ANKRD30BL: variants seen among roughly 807,000 people sequenced by gnomAD.
ANKRD30BL encodes ankyrin repeat domain 30B like, also known as putative ankyrin repeat domain-containing protein 30B-like.
Under a neutral mutation model 18.4 loss-of-function variants are expected in ANKRD30BL, and 20 were observed. That is an observed-to-expected ratio of 1.09 (90% CI 0.77 to 1.58). The LOEUF is 1.58. ANKRD30BL is among the 40% of genes most tolerant of loss of function. ANKRD30BL has a pLI of 0.00. For synonymous variants in ANKRD30BL, 72 were observed against 100.9 expected, an observed-to-expected ratio of 0.71 and a Z score of 1.72; for missense variants, 224 against 268.6, an observed-to-expected ratio of 0.83 and a Z score of 1.16.
chr2:132,159,630 T>G (rs1688003400), intron 1 of ANKRD30BL, among the ~76,000 whole-genome samples: 1 of 152,172 alleles, frequency 6.6e-6, no homozygotes, highest in African/African-American at 2.4e-5. Context: ...TTGATTTAAG[T>G]GAATTATCTA....
At chr2:132,255,052 A>T (rs939440036) in intron 1 of ANKRD30BL, among the ~76,000 whole-genome samples, 2 of 151,866 alleles carry the variant, frequency 1.3e-5, no homozygotes, top group Non-Finnish European at 2.9e-5. Context: ...GAACCCAAAA[A>T]CCCAAAGACT....
chr2:132,175,234 A>C (rs57918763), intron 1 of ANKRD30BL, among the ~76,000 whole-genome samples: 60 of 151,336 alleles, frequency 4.0e-4, no homozygotes, highest in African/African-American at 1.4e-3. Flanking sequence ...AGAGGAATGC[A>C]GTAGGAGAGC....
At chr2:132,209,996 C>T (rs1410453097) in intron 1 of ANKRD30BL, among the ~76,000 whole-genome samples, 2 of 149,908 alleles carry the variant, frequency 1.3e-5, no homozygotes, top group Non-Finnish European at 3.0e-5. Context: ...ACTTGGAGTG[C>T]TTTGAGCTCA....
intron 1 of ANKRD30BL, among the ~76,000 whole-genome samples, chr2:132,168,369 T>C (rs941102966): frequency 6.6e-6 from 1 of 152,144 alleles, no homozygotes; most frequent in Non-Finnish European, 1.5e-5. Flanking sequence ...TTATTACAGA[T>C]TACTGGATAA....
chr2:132,207,938 T>A (rs1387632586), intron 1 of ANKRD30BL, among the ~76,000 whole-genome samples: 1 of 152,182 alleles, frequency 6.6e-6, no homozygotes, highest in South Asian at 2.1e-4. Flanking sequence ...TATTCATGAT[T>A]GAGCATTCCT....
chr2:132,221,367 G>A (rs1316685134), intron 1 of ANKRD30BL, among the ~76,000 whole-genome samples: 27 of 142,960 alleles, frequency 1.9e-4, no homozygotes, highest in Admixed American at 5.4e-4. Flanking sequence ...CGGGAGGGGG[G>A]AGGGGGGGTC....
intron 1 of ANKRD30BL, among the ~76,000 whole-genome samples, chr2:132,230,038 T>G (rs1002631441): frequency 4.6e-5 from 7 of 152,058 alleles, no homozygotes; most frequent in African/African-American, 1.7e-4. Context: ...CGTTGAAACT[T>G]TCTTTTGATA....
At chr2:132,190,321 T>C (rs1407918386) in intron 1 of ANKRD30BL, among the ~76,000 whole-genome samples, 1 of 151,822 alleles carries the variant, frequency 6.6e-6, no homozygotes, top group African/African-American at 2.4e-5. Context: ...TGTGGTTCTA[T>C]TCCCTCAACA....
At chr2:132,163,912 T>TA (rs1195252881), upstream of ANKRD30BL, among the ~76,000 whole-genome samples, 1 of 152,216 alleles carries the variant, frequency 6.6e-6, no homozygotes, top group Non-Finnish European at 1.5e-5. Context: ...AGCAAAGAAA[T>TA]AAATGTGTGT....
intron 1 of ANKRD30BL, among the ~76,000 whole-genome samples, chr2:132,231,360 T>C (rs994041232): frequency 6.6e-6 from 1 of 152,144 alleles, no homozygotes; most frequent in East Asian, 1.9e-4. Flanking sequence ...TAGGAACAGC[T>C]CTGGTCTACA....
chr2:132,148,572 G>A (rs1429810136), intron 5 of ANKRD30BL, among the ~76,000 whole-genome samples: 1 of 151,636 alleles, frequency 6.6e-6, no homozygotes, highest in African/African-American at 2.4e-5. Context: ...ATTTCACCAT[G>A]TTAGTCAGGG....
At chr2:132,235,489 GTC>G (rs1680130253) in intron 1 of ANKRD30BL, among the ~76,000 whole-genome samples, 2 of 152,122 alleles carry the variant, frequency 1.3e-5, no homozygotes, top group African/African-American at 4.8e-5. Context: ...TTTCAGCAAA[GTC>G]TCAGGATACA....
At chr2:132,195,610 G>A (rs1266923334) in intron 1 of ANKRD30BL, among the ~76,000 whole-genome samples, 1 of 151,466 alleles carries the variant, frequency 6.6e-6, no homozygotes, top group Non-Finnish European at 1.5e-5. Context: ...GGCAAACACC[G>A]TGAAACCCCA....
chr2:132,231,531 C>A (rs747529587), intron 1 of ANKRD30BL, among the ~76,000 whole-genome samples: 3 of 152,198 alleles, frequency 2.0e-5, no homozygotes, highest in Non-Finnish European at 4.4e-5. Flanking sequence ...ACTTGGGAAG[C>A]ACAAGGGGTC....
chr2:132,158,362 A>G (rs1003446575), intron 1 of ANKRD30BL, among the ~76,000 whole-genome samples: 2 of 152,086 alleles, frequency 1.3e-5, no homozygotes, highest in African/African-American at 4.8e-5. Context: ...TTAAATTTAT[A>G]GAATGCATGT....
intron 1 of ANKRD30BL, among the ~76,000 whole-genome samples, chr2:132,192,787 A>G (rs1476309726): frequency 2.0e-5 from 3 of 152,184 alleles, no homozygotes; most frequent in Non-Finnish European, 4.4e-5. Flanking sequence ...GTTGCATTGC[A>G]CCCCTATGCA....
intron 1 of ANKRD30BL, among the ~76,000 whole-genome samples, chr2:132,209,480 G>A (rs1679287881): frequency 1.3e-5 from 2 of 151,314 alleles, no homozygotes; most frequent in Admixed American, 6.6e-5. Context: ...GACATTCGGA[G>A]CGATTTGAGG....
At position 132,181,421 on chromosome 2, in the gene ANKRD30BL, C is replaced by T. The variant is rs1247864070; in HGVS notation, n.442-24275G>A. On this transcript the variant is annotated intron_variant and non_coding_transcript_variant, in intron 1 of 4. Transcript: ENST00000470729. ...CCAGGAGGGAGAGGTCGTAGTGAGT[C>T]GAGATCATGCCACTGCACTGACAAA... Among the ~76,000 whole-genome samples the T allele has an allele frequency of 1.1e-4, 16 of 150,574 alleles. No homozygotes were observed. The East Asian group carries it at 2.0e-3, about 19-fold the overall frequency.
At chr2:132,182,910 A>G (rs1688496125) in intron 1 of ANKRD30BL, among the ~76,000 whole-genome samples, 1 of 152,168 alleles carries the variant, frequency 6.6e-6, no homozygotes, top group Non-Finnish European at 1.5e-5. Flanking sequence ...AAATTAAAAG[A>G]TTATCTAATA....
Sources: allele counts gnomAD v4.1 joint callset (sites outside exome capture counted in the v4.1 genomes callset), GRCh38; gene constraint gnomAD v4.1.1; transcripts MANE v1.5; gene names NCBI Gene and HGNC (gene_info 2026-07-23, HGNC 2026-07-21).